The following PLCB4 variants were observed in gnomAD, a reference collection of about 807,000 sequenced individuals.
PLCB4 encodes 1-phosphatidylinositol 4,5-bisphosphate phosphodiesterase beta-4.
In PLCB4, 77 loss-of-function variants were observed where a neutral mutation model predicts 178.8. The observed-to-expected ratio is 0.43, with a 90% confidence interval of 0.36 to 0.52. The LOEUF (loss-of-function observed/expected upper bound fraction) is 0.52. PLCB4 is among the 20% of genes least tolerant of loss of function. PLCB4 has a pLI of 0.00. For synonymous variants in PLCB4, 496 were observed against 490.8 expected (o/e 1.01, Z -0.14); for missense variants, 1,024 against 1,453.4 (o/e 0.70, Z 4.80).
At chr20:9,081,532 T>C (rs6056390) in intron 1 of PLCB4, among the ~76,000 whole-genome samples, 94,753 of 151,882 alleles carry the variant, frequency 0.62, 29,676 homozygotes, top group South Asian at 0.72. Context: ...CATACAGTTG[T>C]CATCTTCCTG....
intron 2 of PLCB4, among the ~76,000 whole-genome samples, chr20:9,180,312 T>C (rs2093224322): frequency 6.6e-6 from 1 of 152,106 alleles, no homozygotes; most frequent in African/African-American, 2.4e-5. Context: ...ATAAACAATT[T>C]CAAAATAAAA....
At chr20:9,328,484 G>C (rs1185518502) in intron 4 of PLCB4, among the ~76,000 whole-genome samples, 1 of 152,198 alleles carries the variant, frequency 6.6e-6, no homozygotes, top group East Asian at 1.9e-4. Flanking sequence ...AAGAAATGCA[G>C]TAATTAAAAC....
chr20:9,175,460 C>T (rs1368790815), intron 2 of PLCB4, among the ~76,000 whole-genome samples: 1 of 152,092 alleles, frequency 6.6e-6, no homozygotes, highest in Non-Finnish European at 1.5e-5. Context: ...CTTATTTCAC[C>T]ATGGAAAGAA....
chr20:9,162,918 C>G (rs1444784445), intron 2 of PLCB4, among the ~76,000 whole-genome samples: 3 of 152,112 alleles, frequency 2.0e-5, no homozygotes, highest in Non-Finnish European at 4.4e-5. Flanking sequence ...TGCTGGTATA[C>G]ATTTAACCAC....
At chr20:9,200,295 A>G (rs938509354) in intron 2 of PLCB4, among the ~76,000 whole-genome samples, 23 of 152,204 alleles carry the variant, frequency 1.5e-4, no homozygotes, top group Non-Finnish European at 2.9e-4. Context: ...TCTGAATGCA[A>G]TCCATCAACC....
intron 2 of PLCB4, among the ~76,000 whole-genome samples, chr20:9,152,534 G>A (rs544441911): frequency 2.6e-4 from 39 of 152,320 alleles, no homozygotes; most frequent in African/African-American, 9.4e-4. Context: ...TGTTGAGCCT[G>A]TGGGTGCACA....
At chr20:9,295,796 C>T (rs1163405247) in intron 3 of PLCB4, among the ~76,000 whole-genome samples, 1 of 152,096 alleles carries the variant, frequency 6.6e-6, no homozygotes, top group Non-Finnish European at 1.5e-5. Flanking sequence ...GTTTTGGTAC[C>T]AGTACCATGC....
chr20:9,127,309 T>C (rs982345936), intron 2 of PLCB4, among the ~76,000 whole-genome samples: 4 of 152,096 alleles, frequency 2.6e-5, no homozygotes, highest in African/African-American at 9.7e-5. Flanking sequence ...GGAACACGCC[T>C]CACATAGGAG....
intron 18 of PLCB4, among the ~76,000 whole-genome samples, chr20:9,394,743 T>C (rs1374447326): frequency 6.6e-6 from 1 of 152,162 alleles, no homozygotes; most frequent in African/African-American, 2.4e-5. Context: ...AGCCAAAACG[T>C]ATATATATTT....
chr20:9,449,258 A>G (rs2042601427), intron 32 of PLCB4, among the ~76,000 whole-genome samples: 1 of 152,204 alleles, frequency 6.6e-6, no homozygotes, highest in Non-Finnish European at 1.5e-5. Flanking sequence ...ATGCTTTTCA[A>G]TTGTCCAATG....
intron 4 of PLCB4, among the ~76,000 whole-genome samples, chr20:9,320,736 C>T (rs1440709046): frequency 6.6e-6 from 1 of 152,224 alleles, no homozygotes; most frequent in African/African-American, 2.4e-5. Context: ...AGGCTGGTTA[C>T]AGACTTAGCA....
chr20:9,472,869 T>C, intron 37 of PLCB4, 22 bp downstream of exon 37: 1 of 1,426,464 alleles, frequency 7.0e-7, no homozygotes, highest in Non-Finnish European at 9.8e-7. Flanking sequence ...ATTATATTTT[T>C]GGCATTCTTC....
In PLCB4 at chr20:9,439,440, A is replaced by T. The variant is rs1288540736; in HGVS notation, c.2764+2288A>T. Among the ~76,000 whole-genome samples the T allele has an allele frequency of 3.9e-5, 6 of 152,092 alleles. No individual in the cohort carries two copies. In the South Asian group the frequency reaches 6.2e-4, roughly 16 times the overall value. On this transcript the variant is annotated intron_variant, in intron 30 of 39. Coordinates refer to ENST00000378473, the MANE Select transcript of PLCB4 (RefSeq NM_001377142.1). ...CAATATTCAAGGGGTAGAGAAATAG[A>T]CTCTACCTCTTGATTAGAGGAGAAA... is the stretch of plus-strand genomic sequence containing the variant.
intron 3 of PLCB4, among the ~76,000 whole-genome samples, chr20:9,285,031 C>G (rs1172757184): frequency 2.0e-5 from 3 of 151,770 alleles, no homozygotes; most frequent in Non-Finnish European, 2.9e-5. Flanking sequence ...CATGATAAAA[C>G]ATCCTGCATG....
intron 3 of PLCB4, among the ~76,000 whole-genome samples, chr20:9,227,607 C>A (rs1055976426): frequency 6.6e-6 from 1 of 152,076 alleles, no homozygotes. Context: ...CATCTTGGCA[C>A]CCTTGTCAGG....
At chr20:9,203,803 T>TC (rs1555875697) in intron 2 of PLCB4, among the ~76,000 whole-genome samples, 33 of 137,424 alleles carry the variant, frequency 2.4e-4, no homozygotes, top group East Asian at 1.9e-3. Context: ...TTTTTTTTTT[T>TC]CCCATTTCTT....
intron 7 of PLCB4, among the ~76,000 whole-genome samples, chr20:9,347,557 G>A (rs1305093811): frequency 3.3e-5 from 5 of 152,056 alleles, no homozygotes; most frequent in African/African-American, 1.2e-4. Context: ...ATTCATCCAG[G>A]AATATTTTTT....
intron 25 of PLCB4, among the ~76,000 whole-genome samples, chr20:9,414,330 C>T: frequency 6.6e-6 from 1 of 152,166 alleles, no homozygotes; most frequent in East Asian, 1.9e-4. Context: ...GAAGAAATTG[C>T]CGTCACCTGC....
At chr20:9,309,640 A>C (rs2094807697) in intron 4 of PLCB4, among the ~76,000 whole-genome samples, 1 of 152,212 alleles carries the variant, frequency 6.6e-6, no homozygotes, top group African/African-American at 2.4e-5. Flanking sequence ...GTTGATTCCA[A>C]TTCAGACTAA....
Sources: allele counts gnomAD v4.1 joint callset (sites outside exome capture counted in the v4.1 genomes callset), GRCh38; gene constraint gnomAD v4.1.1; transcripts MANE v1.5; gene names NCBI Gene and HGNC (gene_info 2026-07-23, HGNC 2026-07-21).